Variants in BMERB1 observed in about 807,000 individuals in gnomAD.
The protein encoded by BMERB1 is bMERB domain-containing protein 1.
Under a neutral mutation model 23.6 loss-of-function variants are expected in BMERB1, and 12 were observed. The ratio of observed to expected loss-of-function variants is 0.51; its 90% CI spans 0.33 to 0.82. The LOEUF (loss-of-function observed/expected upper bound fraction) is 0.82, where lower values mean the gene tolerates loss of function less well. Among genes scored for constraint, BMERB1 ranks in the 40% least tolerant of loss-of-function variants. The pLI, the probability that BMERB1 is intolerant of heterozygous loss-of-function variation, is 0.03. For synonymous variants in BMERB1, 122 were observed against 96.6 expected, an observed-to-expected ratio of 1.26 and a Z score of -1.54; for missense variants, 247 against 255.4, an observed-to-expected ratio of 0.97 and a Z score of 0.22.
intron 1 of BMERB1, chr16:15,447,912 AG>A (rs1467059367): frequency 2.2e-6 from 1 of 455,938 alleles, no homozygotes; most frequent in Non-Finnish European, 4.4e-6. Flanking sequence ...TTTTTGAGAC[AG>A]AGTCTTGCTG....
At chr16:15,461,082 A>G (rs752292146) in intron 1 of BMERB1, among the ~76,000 whole-genome samples, 11 of 150,266 alleles carry the variant, frequency 7.3e-5, no homozygotes, top group Non-Finnish European at 1.3e-4. Flanking sequence ...CCAAGATTGC[A>G]CCAGTGCACT....
At chr16:15,497,061 CAAG>C (rs968082179) in intron 1 of BMERB1, among the ~76,000 whole-genome samples, 4 of 152,138 alleles carry the variant, frequency 2.6e-5, no homozygotes, top group African/African-American at 9.7e-5. Context: ...CTTAGAGCCC[CAAG>C]AAGGACAGGC....
chr16:15,541,218 A>T (rs2052075766), intron 2 of BMERB1, among the ~76,000 whole-genome samples: 1 of 152,026 alleles, frequency 6.6e-6, no homozygotes, highest in Admixed American at 6.6e-5. Flanking sequence ...TGGAAGAGAG[A>T]TGCATTGGGC....
chr16:15,485,467 T>G (rs1021196182), intron 1 of BMERB1, among the ~76,000 whole-genome samples: 3 of 151,896 alleles, frequency 2.0e-5, no homozygotes, highest in African/African-American at 7.2e-5. Context: ...AACCAATACT[T>G]TCTTTTTCCA....
chr16:15,470,484 C>T (rs1177033565), intron 1 of BMERB1, among the ~76,000 whole-genome samples: 1 of 151,778 alleles, frequency 6.6e-6, no homozygotes, highest in African/African-American at 2.4e-5. Flanking sequence ...GACGGTAATA[C>T]AAGATTCATA....
At chr16:15,495,555 G>T (rs1348933282) in intron 1 of BMERB1, among the ~76,000 whole-genome samples, 1 of 151,926 alleles carries the variant, frequency 6.6e-6, no homozygotes, top group Admixed American at 6.6e-5. Context: ...TTTAGTAGAG[G>T]TGGGGTTTCA....
intron 2 of BMERB1, among the ~76,000 whole-genome samples, chr16:15,564,573 C>T (rs2030514436): frequency 6.6e-6 from 1 of 152,204 alleles, no homozygotes; most frequent in African/African-American, 2.4e-5. Flanking sequence ...AAAATTTTAT[C>T]ACTGCCATCA....
intron 1 of BMERB1, among the ~76,000 whole-genome samples, chr16:15,456,850 G>A (rs920620408): frequency 2.0e-5 from 3 of 151,610 alleles, no homozygotes; most frequent in Non-Finnish European, 4.4e-5. Flanking sequence ...TTTTGATGCG[G>A]AATCTCACTC....
At chr16:15,575,833 C>T (rs1232120035) in intron 3 of BMERB1, among the ~76,000 whole-genome samples, 9 of 151,724 alleles carry the variant, frequency 5.9e-5, no homozygotes, top group South Asian at 2.1e-4. Context: ...TTGCTTTCTG[C>T]GACCAATCAG....
intron 2 of BMERB1, among the ~76,000 whole-genome samples, chr16:15,549,636 G>A (rs541470505): frequency 2.5e-4 from 38 of 150,732 alleles, no homozygotes; most frequent in Non-Finnish European, 4.4e-4. Context: ...CTGAGATCAC[G>A]CCACTGCACT....
intron 1 of BMERB1, among the ~76,000 whole-genome samples, chr16:15,475,248 C>A (rs897681815): frequency 6.6e-6 from 1 of 152,116 alleles, no homozygotes; most frequent in South Asian, 2.1e-4. Context: ...AACTTAGCTC[C>A]CCAATGGGTC....
intron 1 of BMERB1, among the ~76,000 whole-genome samples, chr16:15,473,934 A>G (rs914417110): frequency 3.3e-5 from 5 of 152,034 alleles, no homozygotes; most frequent in Middle Eastern, 3.4e-3. Context: ...CCTGGCTAAC[A>G]TGGTGAAACC....
In BMERB1 at chr16:15,587,765, G is replaced by A. The variant is rs2031189727; in HGVS notation, c.*936G>A. On this transcript the variant is annotated 3_prime_UTR_variant, in exon 6 of 6. Coordinates refer to ENST00000300006, the MANE Select transcript of BMERB1 (RefSeq NM_033201.3). ...TGACCAGATTGTGTCCCGTCATTGGGTGGCATATGTTAACTAGCTGCCAAA... is the reference window on the plus strand; with the variant it reads ...TGACCAGATTGTGTCCCGTCATTGGATGGCATATGTTAACTAGCTGCCAAA... 1 of 273,870 alleles carries A rather than the reference G, an allele frequency of 3.7e-6. No individual in the cohort carries two copies. Among genetic ancestry groups the A allele is most frequent in the Non-Finnish European group, 7.6e-6 (1 of 132,074 alleles). 17.0% of individuals were successfully genotyped at this position (273,870 alleles called of 1,614,324 possible).
At position 15,480,602 on chromosome 16, in the gene BMERB1, CTGTCTTTTTTT is replaced by C. The variant is rs1320343112; in HGVS notation, c.107-34701_107-34691del. 5.4e-5 allele frequency among the ~76,000 whole-genome samples: 7 copies of C among 130,608 alleles called. No homozygotes were observed. The East Asian group carries it at 1.8e-3, about 33-fold the overall frequency. 85.7% of individuals were successfully genotyped at this position (130,608 alleles called of 152,430 possible). On this transcript the variant is annotated intron_variant, in intron 1 of 5. Transcript: ENST00000300006. The stretch of plus-strand genomic sequence containing the variant: ...TTTGTTCATCCATATGCCAATTCCA[CTGTCTTTTTTT>C]TTTTTTTTTTTTTTTTTTGAGACAG...
intron 1 of BMERB1, among the ~76,000 whole-genome samples, chr16:15,482,087 A>C (rs939185313): frequency 6.6e-6 from 1 of 152,084 alleles, no homozygotes. Context: ...TGTGAAAGAC[A>C]GAGATGTTTC....
Position 15,587,754 on chromosome 16 carries a change from C to T in BMERB1, c.*925C>T, listed in dbSNP as rs11540891. 4,179 of 278,192 alleles carry T rather than the reference C, an allele frequency of 0.015. 58 individuals are homozygous for T. Among genetic ancestry groups the T allele is most frequent in the Non-Finnish European group, 0.025 (3,339 of 134,118 alleles). 17.2% of individuals were successfully genotyped at this position (278,192 alleles called of 1,614,324 possible). On this transcript the variant is annotated 3_prime_UTR_variant, in exon 6 of 6. Transcript: ENST00000300006. ...GAGGCAGCGTGTGACCAGATTGTGT[C>T]CCGTCATTGGGTGGCATATGTTAAC...
intron 2 of BMERB1, among the ~76,000 whole-genome samples, chr16:15,560,370 G>A (rs958798024): frequency 2.6e-5 from 4 of 152,234 alleles, no homozygotes; most frequent in African/African-American, 9.7e-5. Flanking sequence ...CGGAGTAGAA[G>A]TGGCCTCTGC....
Position 15,584,029 on chromosome 16 carries a change from A to C in BMERB1, c.502+791A>C, listed in dbSNP as rs993087935. ...TAGGTCTGGAATCTCTGGAGAAGCC[A>C]GAAGCATATGTCTCAGAATATTAAC... On this transcript the variant is annotated intron_variant, in intron 5 of 5. Transcript: ENST00000300006. The C allele has an allele frequency of 5.7e-6, 4 of 702,286 alleles. No individual in the cohort carries two copies. The African/African-American group carries it at 7.0e-5, about 12-fold the overall frequency. 43.5% of individuals were successfully genotyped at this position (702,286 alleles called of 1,614,324 possible). A position where few individuals can be genotyped will look rare whatever the true frequency, so the allele number is the denominator to read the frequency against.
At chr16:15,525,239 TC>T (rs1312586809) in intron 2 of BMERB1, among the ~76,000 whole-genome samples, 1 of 152,002 alleles carries the variant, frequency 6.6e-6, no homozygotes, top group Non-Finnish European at 1.5e-5. Flanking sequence ...GGGACATGGG[TC>T]TTTTCCGGCC....
Sources: allele counts gnomAD v4.1 joint callset (sites outside exome capture counted in the v4.1 genomes callset), GRCh38; gene constraint gnomAD v4.1.1; transcripts MANE v1.5; gene names NCBI Gene and HGNC (gene_info 2026-07-23, HGNC 2026-07-21).